PSMD1: variants seen among roughly 807,000 people sequenced by gnomAD.
PSMD1 encodes proteasome 26S subunit, non-ATPase 1.
A neutral mutation model predicts 119.0 loss-of-function variants in PSMD1; 18 were observed. That is an observed-to-expected ratio of 0.15 (90% confidence interval 0.10 to 0.22). The LOEUF is 0.22. PSMD1 is among the 10% of genes least tolerant of loss of function. PSMD1 has a pLI of 1.00. For missense variants in PSMD1, 702 were observed against 1,158.5 expected (o/e 0.61, Z 5.72); for synonymous variants, 374 against 396.6 (o/e 0.94, Z 0.68).
chr2:231,146,173 C>G (rs1193901427), intron 17 of PSMD1, 67 bp from the exon 18 acceptor site: 2 of 1,056,410 alleles, frequency 1.9e-6, no homozygotes, highest in South Asian at 1.3e-5. Flanking sequence ...TGGCATGTGA[C>G]TATAAATTGA....
chr2:231,113,619 T>C, intron 16 of PSMD1: 2 of 907,036 alleles, frequency 2.2e-6, no homozygotes, highest in South Asian at 1.3e-5. Flanking sequence ...ATCAGTAGGC[T>C]GGCTTGACCT....
At position 231,105,648 on chromosome 2, in the gene PSMD1, G is replaced by A. The variant is rs78883656; in HGVS notation, c.1883+18467G>A. On this transcript the variant is annotated intron_variant, in intron 16 of 24. Coordinates refer to ENST00000308696, the MANE Select transcript of PSMD1 (RefSeq NM_002807.4). ...TGTTTCTCAGTGTATAAATTCATAA[G>A]CTTTTAGATACGGATCTTGCAAGAT... Among the ~76,000 whole-genome samples the A allele has an allele frequency of 4.5e-3, 690 of 152,196 alleles. 6 individuals are homozygous for A. The highest frequency in any genetic ancestry group is 0.016 in the African/African-American group (669 of 41,546).
intron 19 of PSMD1, among the ~76,000 whole-genome samples, chr2:231,160,935 G>A (rs541356676): frequency 2.0e-5 from 3 of 152,334 alleles, no homozygotes; most frequent in African/African-American, 7.2e-5. Flanking sequence ...TTGCCTGGGT[G>A]TAGTGCCTCA....
In PSMD1 at chr2:231,113,945, A is replaced by G. The variant is rs1394666944; in HGVS notation, c.1884-24791A>G. 3 of 1,604,634 alleles carry G rather than the reference A, an allele frequency of 1.9e-6. No individual in the cohort carries two copies. In the South Asian group the frequency reaches 3.3e-5, roughly 18 times the overall value. On this transcript the variant is annotated intron_variant, in intron 16 of 24. Transcript: ENST00000308696. ...CACATAGCCTCTGAAAGAAACAAAA[A>G]CAAGACAAACATTTTATTCTATAAA...
chr2:231,140,394 G>T (rs1032415355), intron 17 of PSMD1, among the ~76,000 whole-genome samples: 1 of 151,370 alleles, frequency 6.6e-6, no homozygotes, highest in Admixed American at 6.6e-5. Flanking sequence ...CACTCAGGAG[G>T]CTGAGGCAGG....
At chr2:231,118,530 A>G (rs1295277293) in intron 16 of PSMD1, among the ~76,000 whole-genome samples, 1 of 152,212 alleles carries the variant, frequency 6.6e-6, no homozygotes, top group African/African-American at 2.4e-5. Flanking sequence ...TATACGGTAC[A>G]GGAAAATAAC....
At chr2:231,111,126 C>G (rs1307245783) in intron 16 of PSMD1, among the ~76,000 whole-genome samples, 1 of 152,184 alleles carries the variant, frequency 6.6e-6, no homozygotes, top group East Asian at 1.9e-4. Flanking sequence ...CCAGTGCCAG[C>G]ATTTTCTACT....
chr2:231,136,569 C>A lies in PSMD1; in HGVS notation c.1884-2167C>A, dbSNP rs925188718. 2.0e-5 allele frequency among the ~76,000 whole-genome samples: 3 copies of A among 152,180 alleles called. No homozygotes were observed. In the East Asian group the frequency reaches 5.8e-4, roughly 29 times the overall value. Reference sequence around the variant, plus strand: ...TCCTTAATCTTTCTAAATCATCATTCCATTTATCTGCAAAATAAAATGCAA... The same window carrying A: ...TCCTTAATCTTTCTAAATCATCATTACATTTATCTGCAAAATAAAATGCAA... On this transcript the variant is annotated intron_variant, in intron 16 of 24. Coordinates refer to ENST00000308696, the MANE Select transcript of PSMD1 (RefSeq NM_002807.4).
In PSMD1 at chr2:231,138,921, G is replaced by T. The variant is rs763447366; in HGVS notation, c.1998+71G>T. On this transcript the variant is annotated intron_variant, in intron 17 of 24. Transcript: ENST00000308696. Reference sequence around the variant, plus strand: ...TGTTTTCCCTCGCCGCAGAATTTATGTAACAGCTGTAAAAATACAAGTGCA... The same window carrying T: ...TGTTTTCCCTCGCCGCAGAATTTATTTAACAGCTGTAAAAATACAAGTGCA... The T allele has an allele frequency of 1.5e-5, 17 of 1,101,086 alleles. No homozygotes were observed. The Admixed American group carries it at 1.9e-4, about 12-fold the overall frequency. The allele number at this position is 1,101,086 out of a possible 1,614,324, so 68.2% of individuals were successfully genotyped here. A position where few individuals can be genotyped will look rare whatever the true frequency, so the allele number is the denominator to read the frequency against.
chr2:231,090,520 T>A (rs751199542), intron 16 of PSMD1, among the ~76,000 whole-genome samples: 5 of 152,062 alleles, frequency 3.3e-5, no homozygotes, highest in Non-Finnish European at 7.4e-5. Context: ...GATCACACCA[T>A]TGCACTCCAT....
intron 16 of PSMD1, among the ~76,000 whole-genome samples, chr2:231,128,953 A>G (rs1200307453): frequency 1.3e-5 from 2 of 152,178 alleles, no homozygotes; most frequent in African/African-American, 2.4e-5. Flanking sequence ...TCGAAACTCT[A>G]GAGTACAACC....
intron 24 of PSMD1, 131 bp from the exon 25 acceptor site, chr2:231,172,404 A>G (rs1248498322): frequency 1.3e-5 from 2 of 152,230 alleles, no homozygotes; most frequent in East Asian, 3.8e-4. Flanking sequence ...ACAAACTGGT[A>G]TATTAGGACT....
At chr2:231,160,841 T>C (rs542907504) in intron 19 of PSMD1, among the ~76,000 whole-genome samples, 6 of 152,256 alleles carry the variant, frequency 3.9e-5, no homozygotes, top group Admixed American at 6.5e-5. Flanking sequence ...TTCCAAGGAC[T>C]GCATATTAGA....
chr2:231,141,065 C>T (rs373346267), intron 17 of PSMD1, among the ~76,000 whole-genome samples: 3 of 151,660 alleles, frequency 2.0e-5, no homozygotes, highest in Non-Finnish European at 4.4e-5. Flanking sequence ...CCCAGCACTT[C>T]GGGATGCCGA....
intron 18 of PSMD1, 120 bp from the exon 19 acceptor site, chr2:231,153,444 T>C (rs1696414447): frequency 1.3e-6 from 1 of 751,324 alleles, no homozygotes; most frequent in Non-Finnish European, 2.3e-6. Flanking sequence ...CATATCCCTC[T>C]CTTGAGCATT....
At chr2:231,080,345 A>G in intron 12 of PSMD1, 31 bp downstream of exon 12, 1 of 1,489,524 alleles carries the variant, frequency 6.7e-7, no homozygotes. Flanking sequence ...CTAAATTTCC[A>G]AAACTCAAGA....
intron 16 of PSMD1, among the ~76,000 whole-genome samples, chr2:231,091,560 G>A (rs937962457): frequency 7.2e-5 from 11 of 152,156 alleles, no homozygotes; most frequent in African/African-American, 1.7e-4. Context: ...GTTATAACTC[G>A]TTTTCCAGCT....
At position 231,056,894 on chromosome 2, in the gene PSMD1, T is replaced by C. The variant is rs999029237; in HGVS notation, c.-132T>C. On this transcript the variant is annotated 5_prime_UTR_variant, in exon 1 of 25. Transcript: ENST00000308696. ...CCTGGCGAGAAGCGAGCCGGCGGCC[T>C]GAGGAGGCGACTGACTGAGCAGCGC... The C allele has an allele frequency of 7.9e-6, 10 of 1,268,154 alleles. No homozygotes were observed. Among genetic ancestry groups the C allele is most frequent in the Admixed American group, 2.1e-5 (1 of 48,626 alleles). The allele number at this position is 1,268,154 out of a possible 1,614,324, so 78.6% of individuals were successfully genotyped here.
At chr2:231,061,227 G>T in intron 1 of PSMD1, 40 bp from the exon 2 acceptor site, 2 of 1,510,590 alleles carry the variant, frequency 1.3e-6, no homozygotes, top group South Asian at 1.2e-5. Flanking sequence ...ACTTTAGTGA[G>T]AATGTGTTTC....
Sources: gnomAD v4.1 joint callset for allele counts (sites outside exome capture counted in the v4.1 genomes callset) on GRCh38, gnomAD v4.1.1 for gene constraint, MANE v1.5 for transcripts, NCBI Gene and HGNC (gene_info 2026-07-23, HGNC 2026-07-21) for gene names.